The following NFATC1 variants were observed in gnomAD, a reference collection of about 807,000 sequenced individuals.
The protein encoded by NFATC1 is nuclear factor of activated T-cells, cytoplasmic 1.
NFATC1 carries 22 observed loss-of-function variants against 76.0 expected under a neutral mutation model. The ratio of observed to expected loss-of-function variants is 0.29; its 90% confidence interval spans 0.21 to 0.41. The LOEUF is 0.41. Ranked by LOEUF, NFATC1 falls within the 10% of genes least tolerant of loss-of-function variation. The pLI is 1.00. For missense variants in NFATC1, 1,357 were observed against 1,337.7 expected (o/e 1.01, Z -0.23); for synonymous variants, 704 against 613.1 (o/e 1.15, Z -2.19).
chr18:79,442,498 A>G (rs111360329), intron 3 of NFATC1, among the ~76,000 whole-genome samples: 2,013 of 152,268 alleles, frequency 0.013, 48 homozygotes, highest in African/African-American at 0.045. Flanking sequence ...TCTTTCTCCA[A>G]AGTCGGCGGA....
chr18:79,402,251 A>T, intron 1 of NFATC1: 1 of 803,286 alleles, frequency 1.2e-6, no homozygotes, highest in Non-Finnish European at 1.5e-6. Context: ...CTCGAGGCCT[A>T]GTCTCACAAG....
In NFATC1 at chr18:79,513,912, T is replaced by G. The variant is rs568969294; in HGVS notation, c.2783-13616T>G. On this transcript the variant is annotated intron_variant, in intron 9 of 9. Coordinates refer to ENST00000427363, the MANE Select transcript of NFATC1 (RefSeq NM_001278669.2). Reference sequence around the variant, plus strand: ...AGCCCATGGATCCTTTGTCTCCCTGTGTGCTAGCCTCTGTCCCTTCTCGGG... The same window carrying G: ...AGCCCATGGATCCTTTGTCTCCCTGGGTGCTAGCCTCTGTCCCTTCTCGGG... Among the ~76,000 whole-genome samples, 32 of 152,296 alleles carry G rather than the reference T, an allele frequency of 2.1e-4. 1 individual carries two copies. The South Asian group carries it at 6.4e-3, about 31-fold the overall frequency.
At chr18:79,401,765 G>A (rs1464373347) in intron 1 of NFATC1, among the ~76,000 whole-genome samples, 3 of 152,200 alleles carry the variant, frequency 2.0e-5, no homozygotes, top group Admixed American at 6.5e-5. Context: ...TCCCACACCC[G>A]TGCAGTCATC....
chr18:79,488,297 G>GTT (rs1280704836), intron 9 of NFATC1, among the ~76,000 whole-genome samples: 1 of 92,864 alleles, frequency 1.1e-5, no homozygotes, highest in Middle Eastern at 4.0e-3. Context: ...CGCAGCCCTG[G>GTT]TTGTGTGTGT....
Position 79,492,257 on chromosome 18 carries a change from C to CTG in NFATC1, c.2782+5323_2782+5324dup, listed in dbSNP as rs1371377182. ...CTAAAGGTCACGCACAGCCCACATC[C>CTG]TGTGCGTCTCAAAGAAGTCAAGCCT... On this transcript the variant is annotated intron_variant, in intron 9 of 9. Coordinates refer to ENST00000427363, the MANE Select transcript of NFATC1 (RefSeq NM_001278669.2). Among the ~76,000 whole-genome samples, 13 of 152,280 alleles carry CTG rather than the reference C, an allele frequency of 8.5e-5. No homozygotes were observed. In the South Asian group the frequency reaches 1.0e-3, roughly 12 times the overall value.
intron 5 of NFATC1, among the ~76,000 whole-genome samples, chr18:79,451,378 C>T (rs751692729): frequency 3.3e-4 from 51 of 152,262 alleles, no homozygotes; most frequent in Non-Finnish European, 4.7e-4. Flanking sequence ...TGGGCCGGGG[C>T]TTCCCCTCAC....
intron 2 of NFATC1, among the ~76,000 whole-genome samples, chr18:79,430,818 G>A (rs1357767392): frequency 6.6e-6 from 1 of 152,218 alleles, no homozygotes; most frequent in African/African-American, 2.4e-5. Flanking sequence ...TGTGGCCACT[G>A]CAGAGGGGCC....
chr18:79,425,530 G>A (rs1024185502), intron 2 of NFATC1, among the ~76,000 whole-genome samples: 3 of 152,226 alleles, frequency 2.0e-5, no homozygotes, highest in Non-Finnish European at 4.4e-5. Flanking sequence ...CCTAAGCAAT[G>A]AGCACGTGCG....
chr18:79,478,126 C>G (rs1172002807), intron 8 of NFATC1, among the ~76,000 whole-genome samples: 1 of 139,830 alleles, frequency 7.2e-6, no homozygotes, highest in Non-Finnish European at 1.6e-5. Context: ...GGCCCCCCCC[C>G]GCCCACCCCC....
intron 4 of NFATC1, among the ~76,000 whole-genome samples, chr18:79,450,361 T>C (rs2087413889): frequency 6.6e-6 from 1 of 150,556 alleles, no homozygotes; most frequent in African/African-American, 2.4e-5. Context: ...GGCTTTTAAA[T>C]ATAGTGGAAA....
Position 79,451,035 on chromosome 18 carries a change from C to T in NFATC1, c.1671C>T (p.Asn557=). The T allele has an allele frequency of 6.2e-7, 1 of 1,613,842 alleles. No individual in the cohort carries two copies. Among genetic ancestry groups the T allele is most frequent in the Non-Finnish European group, 8.5e-7 (1 of 1,180,024 alleles). Residue 557 remains asparagine, a synonymous_variant, in exon 5 of 10, where the codon AAC becomes AAT. Coordinates refer to ENST00000427363, the MANE Select transcript of NFATC1 (RefSeq NM_001278669.2). ...RKGETDIGRK[N]TRVRLVFRVH... is the part of the protein sequence containing the mutation. ...GAGAGACGGACATCGGGAGGAAGAA[C>T]ACACGGGTACGGCTGGTGTTCCGCG...
chr18:79,453,947 G>A (rs186472415), intron 6 of NFATC1, among the ~76,000 whole-genome samples: 7 of 152,346 alleles, frequency 4.6e-5, no homozygotes, highest in Admixed American at 2.6e-4. Context: ...TGACAGGTTG[G>A]TGCAGCAGAA....
At chr18:79,526,640 G>A (rs1221670468) in intron 9 of NFATC1, among the ~76,000 whole-genome samples, 1 of 152,230 alleles carries the variant, frequency 6.6e-6, no homozygotes, top group Non-Finnish European at 1.5e-5. Flanking sequence ...CCTGTTATCA[G>A]TTCCCATGAC....
At chr18:79,409,331 TTCATC>T (rs2085567322) in intron 1 of NFATC1, among the ~76,000 whole-genome samples, 2 of 101,878 alleles carry the variant, frequency 2.0e-5, no homozygotes, top group Admixed American at 1.2e-4. Flanking sequence ...TATCCATTCA[TTCATC>T]CATCCATCCA....
chr18:79,399,150 T>G (rs2085099100), intron 1 of NFATC1, among the ~76,000 whole-genome samples: 1 of 152,234 alleles, frequency 6.6e-6, no homozygotes, highest in Non-Finnish European at 1.5e-5. Flanking sequence ...TTGCCCAAGG[T>G]CGGCAAAAGC....
intron 2 of NFATC1, among the ~76,000 whole-genome samples, chr18:79,412,420 T>A (rs1600628309): frequency 1.3e-5 from 2 of 150,188 alleles, no homozygotes; most frequent in South Asian, 2.1e-4. Context: ...CCAGGCTGGG[T>A]GTTTTCCTGT....
intron 2 of NFATC1, among the ~76,000 whole-genome samples, chr18:79,419,462 C>A (rs555334833): frequency 2.3e-5 from 3 of 132,246 alleles, no homozygotes; most frequent in Non-Finnish European, 5.0e-5. Flanking sequence ...GGAGGGCCGG[C>A]ACCTGCCTGC....
intron 2 of NFATC1, among the ~76,000 whole-genome samples, chr18:79,424,170 C>G (rs1028287106): frequency 6.6e-6 from 1 of 152,222 alleles, no homozygotes; most frequent in African/African-American, 2.4e-5. Context: ...AGCCAGAGGT[C>G]GGGAATCATG....
At chr18:79,397,254 A>C (rs2085039162) in intron 1 of NFATC1, among the ~76,000 whole-genome samples, 1 of 152,242 alleles carries the variant, frequency 6.6e-6, no homozygotes, top group African/African-American at 2.4e-5. Context: ...TGCTAATGGA[A>C]ATTGGAAGAC....
Sources: allele counts gnomAD v4.1 joint callset (sites outside exome capture counted in the v4.1 genomes callset), GRCh38; gene constraint gnomAD v4.1.1; transcripts MANE v1.5; gene names NCBI Gene and HGNC (gene_info 2026-07-23, HGNC 2026-07-21).